PCNX4: variants seen among roughly 807,000 people sequenced by gnomAD.
PCNX4 encodes pecanex-like protein 4.
In PCNX4, 103 loss-of-function variants were observed where a neutral mutation model predicts 107.2. That is an observed-to-expected ratio of 0.96 (90% CI 0.82 to 1.13). The LOEUF (loss-of-function observed/expected upper bound fraction) is 1.13, where lower values mean the gene tolerates loss of function less well. PCNX4 is among the 50% of genes most tolerant of loss of function. The pLI is 0.00. For synonymous variants in PCNX4, 541 were observed against 481.7 expected (o/e 1.12, Z -1.61); for missense variants, 1,528 against 1,379.4 (o/e 1.11, Z -1.71).
chr14:60,115,009 C>T lies in PCNX4; in HGVS notation c.905C>T (p.Ala302Val), dbSNP rs1037634315. ...ATGTTCATCATGTCTGCTGGAACAGCTATAGCATCATATTTCATTCCAAGC... is the reference window on the plus strand; with the variant it reads ...ATGTTCATCATGTCTGCTGGAACAGTTATAGCATCATATTTCATTCCAAGC... ...LVMFIMSAGT[A>V]IASYFIPSTV... The change falls in exon 4 of 11, where the codon GCT (alanine) becomes GTT (valine). Residue 302 changes from alanine to valine, a missense_variant. Ala to Val is a moderately conservative substitution (Grantham distance 64). Transcript: ENST00000406854. The T allele has an allele frequency of 6.2e-6, 10 of 1,611,534 alleles. No individual in the cohort carries two copies. The highest frequency in any genetic ancestry group is 8.5e-6 in the Non-Finnish European group (10 of 1,178,340).
Position 60,107,688 on chromosome 14 carries a change from T to A in PCNX4, c.50T>A (p.Leu17Gln). The A allele has an allele frequency of 6.2e-7, 1 of 1,612,884 alleles. No individual in the cohort carries two copies. Among genetic ancestry groups the A allele is most frequent in the Non-Finnish European group, 8.5e-7 (1 of 1,179,886 alleles). Residue 17 changes from leucine to glutamine, a missense_variant, in exon 2 of 11, where the codon CTG becomes CAG. Transcript: ENST00000406854. ...AATGATTACAAGCAGGACTTCTTTC[T>A]GAAGCGCTTTCCACAGACTGTTCTT... is the stretch of plus-strand genomic sequence containing the variant. ...LLNDYKQDFF[L>Q]KRFPQTVLGG...
intron 1 of PCNX4, among the ~76,000 whole-genome samples, chr14:60,095,774 T>C (rs1288258210): frequency 6.8e-6 from 1 of 146,364 alleles, no homozygotes; most frequent in Non-Finnish European, 1.5e-5. Context: ...TTCTAAGAGG[T>C]CATGTCCCAT....
At position 60,105,863 on chromosome 14, in the gene PCNX4, T is replaced by C. The variant is rs927072737; in HGVS notation, c.-53-1723T>C. On this transcript the variant is annotated intron_variant, in intron 1 of 10. Coordinates refer to ENST00000406854, the MANE Select transcript of PCNX4 (RefSeq NM_001330177.2). ...AAGGGCCAACTTTTACCTAACTCCT[T>C]GGGGAAATTTCAGGCACATCCACAT... Among the ~76,000 whole-genome samples the C allele has an allele frequency of 2.6e-5, 4 of 152,300 alleles. No homozygotes were observed. In the East Asian group the frequency reaches 7.7e-4, roughly 29 times the overall value.
intron 2 of PCNX4, among the ~76,000 whole-genome samples, chr14:60,113,265 A>T: frequency 6.6e-6 from 1 of 152,260 alleles, no homozygotes; most frequent in East Asian, 1.9e-4. Flanking sequence ...AGCAAACATA[A>T]AATGGCGTTA....
intron 6 of PCNX4, among the ~76,000 whole-genome samples, chr14:60,117,281 C>A (rs1397964059): frequency 6.6e-6 from 1 of 152,040 alleles, no homozygotes; most frequent in African/African-American, 2.4e-5. Context: ...TTCAGGTATA[C>A]CATTTTTTAT....
At position 60,124,576 on chromosome 14, in the gene PCNX4, C is replaced by T. The variant is rs1257370138; in HGVS notation, c.2405C>T (p.Pro802Leu). 1.2e-6 allele frequency: 2 copies of T among 1,613,652 alleles called. No individual in the cohort carries two copies. Among genetic ancestry groups the T allele is most frequent in the African/African-American group, 2.7e-5 (2 of 74,898 alleles). Reference protein sequence around the residue: ...PLMLPALNTLPPPKSPEDIDS... With the variant: ...PLMLPALNTLLPPKSPEDIDS... Reference sequence around the variant, plus strand: ...ATGTTGCCTGCTTTGAACACTTTGCCACCTCCCAAATCCCCAGAAGACATA... The same window carrying T: ...ATGTTGCCTGCTTTGAACACTTTGCTACCTCCCAAATCCCCAGAAGACATA... The change falls in exon 9 of 11, where the codon CCA (proline) becomes CTA (leucine). Residue 802 changes from proline to leucine, a missense_variant. Pro to Leu is a moderately conservative substitution (Grantham distance 98). Coordinates refer to ENST00000406854, the MANE Select transcript of PCNX4 (RefSeq NM_001330177.2).
chr14:60,113,175 G>A (rs1595168411), intron 2 of PCNX4, among the ~76,000 whole-genome samples: 1 of 152,160 alleles, frequency 6.6e-6, no homozygotes, highest in Non-Finnish European at 1.5e-5. Flanking sequence ...GCGAGACTCC[G>A]TCTCAAAAAC....
At chr14:60,102,321 A>T (rs895021484) in intron 1 of PCNX4, among the ~76,000 whole-genome samples, 2 of 61,404 alleles carry the variant, frequency 3.3e-5, no homozygotes, top group Admixed American at 2.2e-4. Flanking sequence ...TGATAGATTT[A>T]AAAAAACTTC....
At chr14:60,105,257 A>G (rs575899857) in intron 1 of PCNX4, among the ~76,000 whole-genome samples, 1 of 152,328 alleles carries the variant, frequency 6.6e-6, no homozygotes, top group African/African-American at 2.4e-5. Context: ...CAAAATTTTC[A>G]GAAATGTCTT....
rs768849573 is a variant in PCNX4 at position 60,121,342 on chromosome 14, T to C, written c.2046+43T>C. ...ACATCTGTAGTATTTTTATAGTTCA[T>C]GTGTAAAATTTTACCTGTTATGTTC... is the stretch of plus-strand genomic sequence containing the variant. On this transcript the variant is annotated intron_variant, in intron 8 of 10. Coordinates refer to ENST00000406854, the MANE Select transcript of PCNX4 (RefSeq NM_001330177.2). 5 of 1,584,518 alleles carry C rather than the reference T, an allele frequency of 3.2e-6. No individual in the cohort carries two copies. The Admixed American group carries it at 9.0e-5, about 29-fold the overall frequency.
At chr14:60,110,632 T>C (rs1444182826) in intron 2 of PCNX4, 1 of 167,134 alleles carries the variant, frequency 6.0e-6, no homozygotes, top group East Asian at 1.9e-4. Context: ...ACGTAACTCA[T>C]CTGGTTTCAC....
chr14:60,124,444 G>A lies in PCNX4; in HGVS notation c.2273G>A (p.Gly758Asp), dbSNP rs772453010. 1.9e-6 allele frequency: 3 copies of A among 1,613,630 alleles called. No homozygotes were observed. The highest frequency in any genetic ancestry group is 3.3e-5 in the Admixed American group (2 of 60,002). ...CATGAAAACTTAAAAGAATTTAAAG[G>A]TGACCTCATTAAAGTACTTGTGTGG... ...DSHENLKEFK[G>D]DLIKVLVWIL... The change falls in exon 9 of 11, where the codon GGT becomes GAT. Residue 758 changes from glycine to aspartate, a missense_variant. Transcript: ENST00000406854.
At position 60,144,686 on chromosome 14, in the gene PCNX4, CT is replaced by C; in HGVS notation, c.*10466del. 1 of 312,838 alleles carries C rather than the reference CT, an allele frequency of 3.2e-6. No homozygotes were observed. The highest frequency in any genetic ancestry group is 5.8e-6 in the Non-Finnish European group (1 of 172,354). The allele number at this position is 312,838 out of a possible 1,614,324, so 19.4% of individuals were successfully genotyped here. ...ATTTTGTTATAGCAGCACAAATGGA[CT>C]AAGACAAATCTGTTAACTTAGATTT... On this transcript the variant is annotated 3_prime_UTR_variant, in exon 11 of 11. Transcript: ENST00000406854.
Position 60,134,248 on chromosome 14 carries a change from A to T in PCNX4, c.*27A>T. The stretch of plus-strand genomic sequence containing the variant: ...GCTCATTTTGACTGTAATGTCATCA[A>T]ATGCAATGTTTTTATTTTTTCATCC... On this transcript the variant is annotated 3_prime_UTR_variant, in exon 11 of 11. Coordinates refer to ENST00000406854, the MANE Select transcript of PCNX4 (RefSeq NM_001330177.2). 8 of 1,601,984 alleles carry T rather than the reference A, an allele frequency of 5.0e-6. No individual in the cohort carries two copies. The highest frequency in any genetic ancestry group is 6.0e-6 in the Non-Finnish European group (7 of 1,173,150).
At position 60,124,482 on chromosome 14, in the gene PCNX4, T is replaced by G; in HGVS notation, c.2311T>G (p.Tyr771Asp). 2 of 1,613,804 alleles carry G rather than the reference T, an allele frequency of 1.2e-6. No individual in the cohort carries two copies. The highest frequency in any genetic ancestry group is 2.2e-5 in the South Asian group (2 of 91,084). The change falls in exon 9 of 11, where the codon TAC becomes GAC. Residue 771 changes from tyrosine to aspartate, a missense_variant. Tyr to Asp is a radical substitution (Grantham distance 160). Transcript: ENST00000406854. ...IKVLVWILVQ[Y>D]CSKRPGMKEN... ...AGTACTTGTGTGGATACTTGTTCAA[T>G]ACTGCTCCAAAAGGCCTGGCATGAA...
chr14:60,102,278 A>G (rs939113936), intron 1 of PCNX4, among the ~76,000 whole-genome samples: 6 of 152,164 alleles, frequency 3.9e-5, no homozygotes, highest in Admixed American at 1.3e-4. Flanking sequence ...GAGGGATTCA[A>G]TAAATGAAAT....
chr14:60,125,816 C>G lies in PCNX4; in HGVS notation c.3260C>G (p.Ser1087Cys), dbSNP rs776575788. The G allele has an allele frequency of 1.2e-6, 2 of 1,600,686 alleles. No individual in the cohort carries two copies. The highest frequency in any genetic ancestry group is 1.1e-5 in the South Asian group (1 of 88,350). The change falls in exon 10 of 11, where the codon TCT becomes TGT. Residue 1087 changes from serine to cysteine, a missense_variant. By Grantham distance (112) the Ser-to-Cys change is moderately radical. Transcript: ENST00000406854. Reference sequence around the variant, plus strand: ...TACTTGTTTTCTCTGGGGTATGATTCTAATATGGTAAGGTTAAAAAATTTT... The same window carrying G: ...TACTTGTTTTCTCTGGGGTATGATTGTAATATGGTAAGGTTAAAAAATTTT... ...KPYLFSLGYD[S>C]NMGIYTGRVL... is the part of the protein sequence containing the mutation.
At chr14:60,109,116 C>T (rs769381073) in intron 2 of PCNX4, 33 of 166,918 alleles carry the variant, frequency 2.0e-4, no homozygotes, top group Non-Finnish European at 3.8e-4. Context: ...AGAAGAGGTA[C>T]CAGAGAGCTT....
rs148046433 is a variant in PCNX4 at position 60,099,094 on chromosome 14, C to G, written c.-54+6675C>G. 5.4e-3 allele frequency among the ~76,000 whole-genome samples: 817 copies of G among 152,224 alleles called. 5 individuals carry two copies. Among genetic ancestry groups the G allele is most frequent in the African/African-American group, 0.019 (783 of 41,520 alleles). On this transcript the variant is annotated intron_variant, in intron 1 of 10. Transcript: ENST00000406854. ...CTACTGGTACCCTCAACAGATAGCA[C>G]TTGGCTATCAAAAAAACTTCATGTA...
Sources: allele counts gnomAD v4.1 joint callset (sites outside exome capture counted in the v4.1 genomes callset), GRCh38; gene constraint gnomAD v4.1.1; transcripts MANE v1.5; gene names NCBI Gene and HGNC (gene_info 2026-07-23, HGNC 2026-07-21).